The following BCAS1 variants were observed in gnomAD, a reference collection of about 807,000 sequenced individuals.
The protein encoded by BCAS1 is brain enriched myelin associated protein 1.
Under a neutral mutation model 65.4 loss-of-function variants are expected in BCAS1, and 46 were observed. The ratio of observed to expected loss-of-function variants is 0.70; its 90% CI spans 0.55 to 0.90. The LOEUF is 0.90. Among genes scored for constraint, BCAS1 ranks in the 40% least tolerant of loss-of-function variants. The pLI is 0.00. For missense variants in BCAS1, 793 were observed against 771.2 expected (o/e 1.03, Z -0.33); for synonymous variants, 298 against 293.5 (o/e 1.02, Z -0.16).
At chr20:54,013,004 C>G (rs932294693) in intron 4 of BCAS1, among the ~76,000 whole-genome samples, 4 of 152,132 alleles carry the variant, frequency 2.6e-5, no homozygotes, top group African/African-American at 9.7e-5. Context: ...CACTTTATTC[C>G]TTTTCTCTGC....
rs1182836875 is a variant in BCAS1 at position 54,018,432 on chromosome 20, C to T, written c.723+9960G>A. Among the ~76,000 whole-genome samples the T allele has an allele frequency of 3.4e-5, 5 of 146,630 alleles. No individual in the cohort carries two copies. In the East Asian group the frequency reaches 6.0e-4, roughly 18 times the overall value. ...TTTTTTTTTTTTCGAGACAGAGTCTCGCTCTGTCATTCTCCTGCCTCAGCC... is the reference window on the plus strand; with the variant it reads ...TTTTTTTTTTTTCGAGACAGAGTCTTGCTCTGTCATTCTCCTGCCTCAGCC... On this transcript the variant is annotated intron_variant, in intron 4 of 12. Transcript: ENST00000688948.
chr20:54,070,192 C>T (rs11905719), intron 1 of BCAS1, among the ~76,000 whole-genome samples: 5,305 of 152,238 alleles, frequency 0.035, 288 homozygotes, highest in African/African-American at 0.12. Context: ...GGCTATGCGC[C>T]TAACACTGAC....
At chr20:53,952,909 A>G (rs748938345) in intron 12 of BCAS1, among the ~76,000 whole-genome samples, 2 of 152,258 alleles carry the variant, frequency 1.3e-5, no homozygotes, top group Non-Finnish European at 2.9e-5. Context: ...CTCACAACAT[A>G]AAGTGTGTTT....
intron 3 of BCAS1, among the ~76,000 whole-genome samples, chr20:54,048,839 A>T (rs2092158686): frequency 6.6e-6 from 1 of 152,156 alleles, no homozygotes; most frequent in Non-Finnish European, 1.5e-5. Flanking sequence ...TCATTGATCA[A>T]CCATTTCTAA....
At chr20:54,008,970 C>T (rs1463002309) in intron 4 of BCAS1, among the ~76,000 whole-genome samples, 2 of 152,114 alleles carry the variant, frequency 1.3e-5, no homozygotes, top group African/African-American at 2.4e-5. Context: ...TGCACCACCA[C>T]GCCCAGCTAA....
At chr20:54,040,869 C>T (rs1482935869) in intron 3 of BCAS1, among the ~76,000 whole-genome samples, 2 of 151,172 alleles carry the variant, frequency 1.3e-5, no homozygotes, top group Admixed American at 6.6e-5. Context: ...TATGGCCACA[C>T]AAAAACTTGT....
chr20:53,981,407 C>T (rs1217358888), intron 8 of BCAS1, among the ~76,000 whole-genome samples: 10 of 152,164 alleles, frequency 6.6e-5, no homozygotes, highest in Admixed American at 3.3e-4. Context: ...TCTATTTTGA[C>T]GTACACTGAT....
At chr20:53,997,771 G>A (rs6013865) in intron 4 of BCAS1, among the ~76,000 whole-genome samples, 19,065 of 152,074 alleles carry the variant, frequency 0.13, 2,588 homozygotes, top group African/African-American at 0.34. Context: ...AAACGTATCC[G>A]GGCTGGGCAG....
chr20:53,986,876 C>T (rs891652511), intron 7 of BCAS1, among the ~76,000 whole-genome samples: 7 of 152,094 alleles, frequency 4.6e-5, no homozygotes, highest in African/African-American at 1.4e-4. Flanking sequence ...GGCAACAGAA[C>T]AAGACACCAT....
chr20:54,032,584 C>T (rs534007741), intron 3 of BCAS1, among the ~76,000 whole-genome samples: 1 of 151,348 alleles, frequency 6.6e-6, no homozygotes, highest in South Asian at 2.1e-4. Context: ...AGACCCATCT[C>T]CTATGCAGTG....
intron 7 of BCAS1, among the ~76,000 whole-genome samples, chr20:53,989,391 TTTTGC>T (rs2090697687): frequency 6.6e-6 from 1 of 152,228 alleles, no homozygotes; most frequent in Non-Finnish European, 1.5e-5. Flanking sequence ...TATGTATCTC[TTTTGC>T]TAGAGTCTTG....
chr20:53,975,373 GGT>G lies in BCAS1; in HGVS notation c.1317+14_1317+15del, dbSNP rs778516860. 4.4e-6 allele frequency: 7 copies of G among 1,607,526 alleles called. No homozygotes were observed. The highest frequency in any genetic ancestry group is 6.0e-6 in the Non-Finnish European group (7 of 1,174,772). ...GATGAGAATGGAATGATTCTGCCGT[GGT>G]GTGTGTAACTTACATTCTCCTCCGC... On this transcript the variant is annotated intron_variant, in intron 9 of 12. Coordinates refer to ENST00000688948, the MANE Select transcript of BCAS1 (RefSeq NM_001366298.2).
At chr20:54,025,647 TG>T (rs1568890639) in intron 4 of BCAS1, among the ~76,000 whole-genome samples, 1 of 151,552 alleles carries the variant, frequency 6.6e-6, no homozygotes, top group Non-Finnish European at 1.5e-5. Flanking sequence ...GCCATAAAAA[TG>T]GGGGGAAGGG....
At chr20:54,038,118 C>A (rs2146183019) in intron 3 of BCAS1, among the ~76,000 whole-genome samples, 1 of 151,460 alleles carries the variant, frequency 6.6e-6, no homozygotes, top group Non-Finnish European at 1.5e-5. Context: ...TTTCCTCACA[C>A]CTCTCAACAT....
At chr20:53,970,651 T>C (rs1174533284) in intron 9 of BCAS1, among the ~76,000 whole-genome samples, 1 of 152,198 alleles carries the variant, frequency 6.6e-6, no homozygotes, top group Admixed American at 6.5e-5. Context: ...TGCATGAAGA[T>C]GGCAGGTACA....
chr20:54,068,406 A>C (rs2092471477), intron 1 of BCAS1: 1 of 154,382 alleles, frequency 6.5e-6, no homozygotes, highest in Non-Finnish European at 1.5e-5. Context: ...TGAGCATAGC[A>C]GGACACAAAA....
At chr20:53,960,957 G>A (rs933808152) in intron 10 of BCAS1, among the ~76,000 whole-genome samples, 3 of 152,220 alleles carry the variant, frequency 2.0e-5, no homozygotes, top group African/African-American at 7.2e-5. Context: ...ATTTTCCAGT[G>A]TGATATTGAG....
chr20:54,027,876 TA>T (rs11296479), intron 4 of BCAS1, among the ~76,000 whole-genome samples: 53,916 of 151,730 alleles, frequency 0.36, 9,605 homozygotes, highest in South Asian at 0.42. Flanking sequence ...AATTACTACA[TA>T]AAAGAGTCTG....
In BCAS1 at chr20:53,957,242, A is replaced by G. The variant is rs1460609517; in HGVS notation, c.1551+190T>C. On this transcript the variant is annotated intron_variant, in intron 11 of 12. Coordinates refer to ENST00000688948, the MANE Select transcript of BCAS1 (RefSeq NM_001366298.2). The stretch of plus-strand genomic sequence containing the variant: ...GTGTGAAAGTTTTTTGATAGGATAA[A>G]GCTGAGGAACTCTAGCTTGTTCATG... Among the ~76,000 whole-genome samples, 3 of 152,232 alleles carry G rather than the reference A, an allele frequency of 2.0e-5. 1 individual carries two copies. The highest frequency in any genetic ancestry group is 6.5e-5 in the Admixed American group (1 of 15,276).
Sources: gnomAD v4.1 joint callset for allele counts (sites outside exome capture counted in the v4.1 genomes callset) on GRCh38, gnomAD v4.1.1 for gene constraint, MANE v1.5 for transcripts, NCBI Gene and HGNC (gene_info 2026-07-23, HGNC 2026-07-21) for gene names.